UNC5A: variants seen among roughly 807,000 people sequenced by gnomAD.
UNC5A encodes the protein netrin receptor UNC5A.
In UNC5A, 20 loss-of-function variants were observed where a neutral mutation model predicts 87.4. The observed-to-expected ratio is 0.23, with a 90% CI of 0.16 to 0.33. The LOEUF (loss-of-function observed/expected upper bound fraction) is 0.33. Ranked by LOEUF, UNC5A falls within the 10% of genes least tolerant of loss-of-function variation. The probability of loss-of-function intolerance (pLI) is 1.00; values close to 1 mark genes in which losing one functional copy is unlikely to be tolerated. For missense variants in UNC5A, 844 were observed against 1,133.4 expected (o/e 0.74, Z 3.67); for synonymous variants, 438 against 482.3 (o/e 0.91, Z 1.20).
rs184814005 is a variant in UNC5A, at chr5:176,841,540, T to C, written c.71-21084T>C. ...TTTGTCACCTGTAAAATGAGAATCT[T>C]GGTAGCACCTAATTCGTAACGTTGC... On this transcript the variant is annotated intron_variant, in intron 1 of 14. Transcript: ENST00000329542. This position sits in a 1 kb window ranked among gnomAD's most constrained non-coding sequence, Gnocchi z 4.1. Among the ~76,000 whole-genome samples the C allele has an allele frequency of 2.6e-5, 4 of 152,372 alleles. No homozygotes were observed. Among genetic ancestry groups the C allele is most frequent in the African/African-American group, 9.6e-5 (4 of 41,592 alleles).
chr5:176,875,165 G>A lies in UNC5A; in HGVS notation c.1378+599G>A, dbSNP rs1290973959. 6.6e-6 allele frequency among the ~76,000 whole-genome samples: 1 copy of A among 152,068 alleles called. No individual in the cohort carries two copies. The highest frequency in any genetic ancestry group is 6.6e-5 in the Admixed American group (1 of 15,258). On this transcript the variant is annotated intron_variant, in intron 8 of 14. Coordinates refer to ENST00000329542, the MANE Select transcript of UNC5A (RefSeq NM_133369.3). This position sits in a 1 kb window ranked among gnomAD's most constrained non-coding sequence, Gnocchi z 5.2. ...GTGTGCCTCCGAGCTCCCTCCCAGT[G>A]CCCTTCTCCCCGAGCGGCCTCGCCC...
At chr5:176,843,417 C>T (rs1383472783) in intron 1 of UNC5A, among the ~76,000 whole-genome samples, 7 of 150,912 alleles carry the variant, frequency 4.6e-5, no homozygotes, top group Non-Finnish European at 8.8e-5. Context: ...AATGGCAAAA[C>T]GCCAGTGACA....
chr5:176,813,499 G>A (rs1402589754), intron 1 of UNC5A, among the ~76,000 whole-genome samples: 1 of 152,204 alleles, frequency 6.6e-6, no homozygotes, highest in East Asian at 1.9e-4. Flanking sequence ...TGCTCGCCCT[G>A]CCTTGCAGGT....
intron 2 of UNC5A, among the ~76,000 whole-genome samples, chr5:176,864,166 T>C (rs556878281): frequency 9.2e-5 from 14 of 152,042 alleles, no homozygotes; most frequent in African/African-American, 3.1e-4. Flanking sequence ...CCAGGAAGGA[T>C]TCCCAGCGGA....
At chr5:176,837,659 G>A (rs570146226) in intron 1 of UNC5A, among the ~76,000 whole-genome samples, 8 of 152,172 alleles carry the variant, frequency 5.3e-5, no homozygotes, top group Non-Finnish European at 1.2e-4. Flanking sequence ...ATGCTTTCCC[G>A]CCGCTGTTCC....
intron 6 of UNC5A, among the ~76,000 whole-genome samples, chr5:176,873,757 A>G (rs1758188170): frequency 6.6e-6 from 1 of 152,158 alleles, no homozygotes; most frequent in African/African-American, 2.4e-5. Flanking sequence ...GAGGAATGTG[A>G]TTTGCTCAGA....
chr5:176,871,459 G>A (rs59728020), intron 6 of UNC5A, among the ~76,000 whole-genome samples: 4 of 198 alleles, frequency 0.02, no homozygotes, highest in Non-Finnish European at 0.042. Flanking sequence ...ATCTGCCCAC[G>A]CTCACCAACA....
chr5:176,814,867 A>T (rs496431), intron 1 of UNC5A, among the ~76,000 whole-genome samples: 111,265 of 152,098 alleles, frequency 0.73, 47,164 homozygotes, highest in Non-Finnish European at 0.92. Flanking sequence ...ATTGCTGGGG[A>T]CAGGGAGAGA....
In UNC5A at chr5:176,868,636, G is replaced by A. The variant is rs748482811; in HGVS notation, c.512G>A (p.Arg171His). The A allele has an allele frequency of 2.3e-5, 37 of 1,604,388 alleles. No individual in the cohort carries two copies. The highest frequency in any genetic ancestry group is 2.6e-5 in the Non-Finnish European group (31 of 1,176,142). The change falls in exon 4 of 15, where the codon CGT (arginine) becomes CAT (histidine). Residue 171 changes from arginine to histidine, a missense_variant. Around this residue, in one of 3 missense-constraint regions of UNC5A, gnomAD observed 314 missense variants for 466.5 expected, o/e 0.67. Coordinates refer to ENST00000329542, the MANE Select transcript of UNC5A (RefSeq NM_133369.3). The stretch of plus-strand genomic sequence containing the variant: ...GAGCAGGGCATCGTGCTGCCCTGCC[G>A]TCCACCGGAGGGCATCCCTCCAGCC... Reference protein sequence around the residue: ...SLEQGIVLPCRPPEGIPPAEV... With the variant: ...SLEQGIVLPCHPPEGIPPAEV...
chr5:176,859,582 G>C (rs200058981), intron 1 of UNC5A, among the ~76,000 whole-genome samples: 742 of 47,428 alleles, frequency 0.016, 54 homozygotes, highest in African/African-American at 0.029. Context: ...ATGGCTGCTA[G>C]AATGTCCTTG....
At chr5:176,830,595 T>C (rs1219890736) in intron 1 of UNC5A, among the ~76,000 whole-genome samples, 2 of 139,216 alleles carry the variant, frequency 1.4e-5, no homozygotes, top group Admixed American at 7.2e-5. Flanking sequence ...TGCTGGTGTG[T>C]GCATGCTGGT....
Position 176,865,779 on chromosome 5 carries a change from C to A in UNC5A, c.293-2351C>A. On this transcript the variant is annotated intron_variant, in intron 2 of 14. Coordinates refer to ENST00000329542, the MANE Select transcript of UNC5A (RefSeq NM_133369.3). This position sits in a 1 kb window ranked among gnomAD's most constrained non-coding sequence, Gnocchi z 5.3. ...GCAGCCCACTCATTCATGTGTGGGG[C>A]TGGAGGTGGCCGGATGGACACCCAG... 1 of 421,720 alleles carries A rather than the reference C, an allele frequency of 2.4e-6. No homozygotes were observed. Among genetic ancestry groups the A allele is most frequent in the Non-Finnish European group, 4.8e-6 (1 of 209,168 alleles). 26.1% of individuals were successfully genotyped at this position (421,720 alleles called of 1,614,324 possible). A position where few individuals can be genotyped will look rare whatever the true frequency, so the allele number is the denominator to read the frequency against.
intron 1 of UNC5A, among the ~76,000 whole-genome samples, chr5:176,815,035 T>G (rs1313978503): frequency 6.6e-6 from 1 of 152,180 alleles, no homozygotes; most frequent in Non-Finnish European, 1.5e-5. Flanking sequence ...GCCACGTGTA[T>G]GGACAGCAAA....
At chr5:176,831,966 G>A (rs1049307481) in intron 1 of UNC5A, among the ~76,000 whole-genome samples, 25 of 136,320 alleles carry the variant, frequency 1.8e-4, no homozygotes, top group African/African-American at 7.0e-4. Flanking sequence ...GTGCAATCTC[G>A]GCTCTCTGCA....
intron 1 of UNC5A, among the ~76,000 whole-genome samples, chr5:176,819,633 C>T (rs913149814): frequency 6.6e-6 from 1 of 152,186 alleles, no homozygotes; most frequent in African/African-American, 2.4e-5. Context: ...CACATCTCTG[C>T]CCTCCACCAC....
intron 9 of UNC5A, 65 bp from the exon 10 acceptor site, chr5:176,877,470 A>G (rs1758291297): frequency 3.9e-5 from 59 of 1,521,514 alleles, no homozygotes; most frequent in Non-Finnish European, 5.2e-5. Context: ...CCCTTGGCCT[A>G]GCCCTCAGGA....
chr5:176,852,849 T>C (rs1010080760), intron 1 of UNC5A, among the ~76,000 whole-genome samples: 1 of 152,240 alleles, frequency 6.6e-6, no homozygotes, highest in East Asian at 1.9e-4. Context: ...TCCTGCCCAG[T>C]GCTAGGCCCT....
chr5:176,863,218 G>A lies in UNC5A; in HGVS notation c.292+373G>A, dbSNP rs565497664. On this transcript the variant is annotated intron_variant, in intron 2 of 14. Transcript: ENST00000329542. Reference sequence around the variant, plus strand: ...GCAGGGAGAGAGGCCCCTCAGGGGAGGTGATGTGTTAACTGAGAGAGGCAT... The same window carrying A: ...GCAGGGAGAGAGGCCCCTCAGGGGAAGTGATGTGTTAACTGAGAGAGGCAT... 1.2e-4 allele frequency among the ~76,000 whole-genome samples: 18 copies of A among 152,320 alleles called. No individual in the cohort carries two copies. In the East Asian group the frequency reaches 3.5e-3, roughly 29 times the overall value.
chr5:176,857,967 G>A (rs1757707213), intron 1 of UNC5A, among the ~76,000 whole-genome samples: 1 of 152,220 alleles, frequency 6.6e-6, no homozygotes, highest in Non-Finnish European at 1.5e-5. Flanking sequence ...GAAGCTGGTG[G>A]GCCCATACCT....
Sources: gnomAD v4.1 joint callset for allele counts (sites outside exome capture counted in the v4.1 genomes callset) on GRCh38, gnomAD v4.1.1 for gene constraint, gnomAD v4.1.1 regional missense constraint, Gnocchi (gnomAD v3.1) non-coding constraint, MANE v1.5 for transcripts, NCBI Gene and HGNC (gene_info 2026-07-23, HGNC 2026-07-21) for gene names.